Variants in TBC1D14 observed in about 807,000 individuals in gnomAD.
TBC1D14 encodes TBC1 domain family member 14.
TBC1D14 carries 26 observed loss-of-function variants against 79.0 expected under a neutral mutation model. That is an observed-to-expected ratio of 0.33 (90% CI 0.24 to 0.46). The LOEUF (loss-of-function observed/expected upper bound fraction) is 0.46. TBC1D14 is among the 20% of genes least tolerant of loss of function. TBC1D14 has a pLI of 1.00. For missense variants in TBC1D14, 769 were observed against 887.6 expected (o/e 0.87, Z 1.70); for synonymous variants, 394 against 349.9 (o/e 1.13, Z -1.40).
At chr4:6,911,836 A>G (rs541150257) in intron 1 of TBC1D14, among the ~76,000 whole-genome samples, 16 of 152,344 alleles carry the variant, frequency 1.1e-4, no homozygotes, top group African/African-American at 3.8e-4. Flanking sequence ...CCTGCCGTGC[A>G]GGTCGGGGGT....
chr4:6,919,117 A>G (rs1723627350), intron 1 of TBC1D14, among the ~76,000 whole-genome samples: 1 of 151,680 alleles, frequency 6.6e-6, no homozygotes, highest in Admixed American at 6.6e-5. Context: ...GGTTGGAGAA[A>G]CATTTTATTT....
chr4:6,954,331 A>G (rs1560278065), intron 2 of TBC1D14: 2 of 717,412 alleles, frequency 2.8e-6, no homozygotes. Context: ...GCTCCTGTTC[A>G]TGGACAGGTT....
At chr4:6,947,442 G>C (rs1713585127) in intron 2 of TBC1D14, among the ~76,000 whole-genome samples, 1 of 151,434 alleles carries the variant, frequency 6.6e-6, no homozygotes, top group South Asian at 2.1e-4. Context: ...AGCTTGCAGT[G>C]AGCCGAGATC....
At chr4:6,947,988 C>G (rs1272399801) in intron 2 of TBC1D14, among the ~76,000 whole-genome samples, 1 of 152,156 alleles carries the variant, frequency 6.6e-6, no homozygotes, top group Non-Finnish European at 1.5e-5. Flanking sequence ...AACAAAAATG[C>G]AATACTCCCA....
intron 2 of TBC1D14, among the ~76,000 whole-genome samples, 178 bp from the exon 3 acceptor site, chr4:6,967,126 T>C (rs1041906263): frequency 6.6e-6 from 1 of 152,218 alleles, no homozygotes; most frequent in African/African-American, 2.4e-5. Flanking sequence ...AGTTTATTTC[T>C]GGCTTAAGGT....
At chr4:6,918,231 G>C (rs1292261814) in intron 1 of TBC1D14, among the ~76,000 whole-genome samples, 1 of 152,202 alleles carries the variant, frequency 6.6e-6, no homozygotes, top group Non-Finnish European at 1.5e-5. Flanking sequence ...AAGGGTCCTT[G>C]GATTGCCATG....
chr4:6,930,153 T>C (rs1207409083), intron 2 of TBC1D14, among the ~76,000 whole-genome samples: 1 of 152,226 alleles, frequency 6.6e-6, no homozygotes, highest in Non-Finnish European at 1.5e-5. Context: ...AGCAGAGCTC[T>C]AAGCCGGGTC....
chr4:6,997,975 A>C (rs931377614), intron 5 of TBC1D14, among the ~76,000 whole-genome samples: 3 of 152,226 alleles, frequency 2.0e-5, no homozygotes, highest in African/African-American at 7.2e-5. Context: ...TCTTAATGCC[A>C]CTGAACTGTA....
intron 13 of TBC1D14, 149 bp from the exon 14 acceptor site, chr4:7,030,178 G>C (rs553941789): frequency 3.9e-5 from 26 of 671,198 alleles, no homozygotes; most frequent in Non-Finnish European, 6.7e-5. Context: ...CACGAAGGAC[G>C]TAGGAGTGGA....
In TBC1D14 at chr4:6,967,342, AACACAATG is replaced by A; in HGVS notation, c.764_771del (p.His255LeufsTer27). 6.2e-7 allele frequency: 1 copy of A among 1,614,188 alleles called. No individual in the cohort carries two copies. Among genetic ancestry groups the A allele is most frequent in the Non-Finnish European group, 8.5e-7 (1 of 1,180,026 alleles). ...AGAAAACAAAGTGCAAGGCTTGACA[AACACAATG>A]ACTTGGGATGGAAGTTATTTGGGAA... On this transcript the variant is annotated frameshift_variant, in exon 3 of 14. Coordinates refer to ENST00000409757, the MANE Select transcript of TBC1D14 (RefSeq NM_020773.3). LOFTEE classifies it high-confidence loss of function.
chr4:6,936,577 A>G (rs1577059467), intron 2 of TBC1D14, among the ~76,000 whole-genome samples: 1 of 152,340 alleles, frequency 6.6e-6, no homozygotes. Context: ...TATGAATGAA[A>G]CTGCCATAAT....
intron 11 of TBC1D14, among the ~76,000 whole-genome samples, chr4:7,014,039 G>T (rs996536773): frequency 6.6e-6 from 1 of 152,168 alleles, no homozygotes; most frequent in Non-Finnish European, 1.5e-5. Flanking sequence ...GTGAGCCACC[G>T]CACCCGGCCT....
At chr4:6,918,002 G>C (rs751219854) in intron 1 of TBC1D14, among the ~76,000 whole-genome samples, 3 of 152,196 alleles carry the variant, frequency 2.0e-5, no homozygotes. Flanking sequence ...GCCCTGTTCT[G>C]AGGTTTAAGG....
chr4:6,918,009 A>G (rs1234200484), intron 1 of TBC1D14, among the ~76,000 whole-genome samples: 1 of 152,184 alleles, frequency 6.6e-6, no homozygotes, highest in Non-Finnish European at 1.5e-5. Flanking sequence ...TCTGAGGTTT[A>G]AGGAACTTAA....
intron 2 of TBC1D14, among the ~76,000 whole-genome samples, chr4:6,929,539 G>T (rs1381414300): frequency 2.6e-5 from 4 of 152,180 alleles, no homozygotes. Flanking sequence ...GGATCAGCTT[G>T]TGCAAAGTCA....
chr4:7,013,774 C>T (rs917809815), intron 11 of TBC1D14, among the ~76,000 whole-genome samples: 1 of 150,482 alleles, frequency 6.6e-6, no homozygotes, highest in African/African-American at 2.5e-5. Flanking sequence ...GATGGAGTCT[C>T]GCTGTGTCGC....
intron 13 of TBC1D14, among the ~76,000 whole-genome samples, chr4:7,027,347 A>C (rs918272894): frequency 2.7e-5 from 3 of 112,302 alleles, no homozygotes; most frequent in Admixed American, 1.0e-4. Flanking sequence ...ACACACAATC[A>C]CCTCCACGCA....
chr4:6,922,878 A>G (rs1051457556), intron 1 of TBC1D14, among the ~76,000 whole-genome samples: 16 of 152,098 alleles, frequency 1.1e-4, no homozygotes, highest in African/African-American at 3.6e-4. Flanking sequence ...TCTTCCTGCT[A>G]TGTTATATCA....
chr4:6,996,459 C>A (rs778578744), intron 5 of TBC1D14, 52 bp downstream of exon 5: 1 of 1,373,018 alleles, frequency 7.3e-7, no homozygotes, highest in East Asian at 2.3e-5. Context: ...GGGTTTGTGT[C>A]TTTCTGGTTA....
Sources: gnomAD v4.1 joint callset for allele counts (sites outside exome capture counted in the v4.1 genomes callset) on GRCh38, gnomAD v4.1.1 for gene constraint, MANE v1.5 for transcripts, NCBI Gene and HGNC (gene_info 2026-07-23, HGNC 2026-07-21) for gene names.